SV2B: variants seen among roughly 807,000 people sequenced by gnomAD.
SV2B encodes solute carrier family 22 member B2.
SV2B carries 41 observed loss-of-function variants against 73.9 expected under a neutral mutation model. The ratio of observed to expected loss-of-function variants is 0.56; its 90% CI spans 0.43 to 0.72. SV2B has a LOEUF of 0.72. SV2B is among the 30% of genes least tolerant of loss of function. SV2B has a pLI of 0.00. For synonymous variants in SV2B, 314 were observed against 314.2 expected (o/e 1.00, Z 0.01); for missense variants, 764 against 857.8 (o/e 0.89, Z 1.37).
At chr15:91,246,965 G>T (rs549024148) in intron 2 of SV2B, among the ~76,000 whole-genome samples, 1 of 152,296 alleles carries the variant, frequency 6.6e-6, no homozygotes, top group South Asian at 2.1e-4. Context: ...TTTTCCAAAT[G>T]TATTTTTTAA....
intron 1 of SV2B, among the ~76,000 whole-genome samples, chr15:91,164,761 A>G (rs1158445457): frequency 6.6e-6 from 1 of 152,218 alleles, no homozygotes; most frequent in Non-Finnish European, 1.5e-5. Context: ...TTATATTTCT[A>G]TATAGATGAG....
chr15:91,154,507 A>G (rs932457845), intron 1 of SV2B, among the ~76,000 whole-genome samples: 5 of 152,230 alleles, frequency 3.3e-5, no homozygotes, highest in African/African-American at 1.2e-4. Context: ...GTGTAGCGTC[A>G]GGTATTGATC....
intron 1 of SV2B, among the ~76,000 whole-genome samples, chr15:91,167,738 G>A (rs1763972266): frequency 6.6e-6 from 1 of 152,136 alleles, no homozygotes; most frequent in South Asian, 2.1e-4. Flanking sequence ...GGGTTCTGGG[G>A]ATTAAGAATT....
intron 1 of SV2B, among the ~76,000 whole-genome samples, chr15:91,187,422 C>T (rs1005818057): frequency 1.3e-5 from 2 of 152,202 alleles, no homozygotes; most frequent in African/African-American, 2.4e-5. Context: ...TGCTTACCAG[C>T]ATGTGAAAGT....
chr15:91,132,445 T>C lies in SV2B; in HGVS notation c.-392+32082T>C, dbSNP rs2042683963. Among the ~76,000 whole-genome samples, 1 of 152,248 alleles carries C rather than the reference T, an allele frequency of 6.6e-6. No homozygotes were observed. Among genetic ancestry groups the C allele is most frequent in the African/African-American group, 2.4e-5 (1 of 41,478 alleles). On this transcript the variant is annotated intron_variant, in intron 1 of 12. Coordinates refer to ENST00000394232, the MANE Select transcript of SV2B (RefSeq NM_001323032.3). The surrounding 1 kb of genome is among the most constrained non-coding windows in gnomAD (Gnocchi z 4.6). ...AAGACTTGGCCTGCAATCAGTCTGATTGGTTGTGGACAGCAACCATTCAGA... is the reference window on the plus strand; with the variant it reads ...AAGACTTGGCCTGCAATCAGTCTGACTGGTTGTGGACAGCAACCATTCAGA...
In SV2B at chr15:91,267,504, CAA is replaced by C. The variant is rs766295632; in HGVS notation, c.1120-49_1120-48del. 1 of 1,505,158 alleles carries C rather than the reference CAA, an allele frequency of 6.6e-7. No homozygotes were observed. The highest frequency in any genetic ancestry group is 1.2e-5 in the South Asian group (1 of 86,424). The allele number at this position is 1,505,158 out of a possible 1,614,324, so 93.2% of individuals were successfully genotyped here. On this transcript the variant is annotated intron_variant, in intron 7 of 12. Coordinates refer to ENST00000394232, the MANE Select transcript of SV2B (RefSeq NM_001323032.3). The surrounding 1 kb of genome is among the most constrained non-coding windows in gnomAD (Gnocchi z 4.3). ...AGTAATGAGCTCTTCGTGGGAGAAA[CAA>C]AGTCACACATTGCTTTCTTTAACAA...
At position 91,268,296 on chromosome 15, in the gene SV2B, G is replaced by C; in HGVS notation, c.1209-145G>C. ...TTTCCCCTTGTATTTATTAATATGAGGATTTATATTGTCAGATTTTCTAAT... is the reference window on the plus strand; with the variant it reads ...TTTCCCCTTGTATTTATTAATATGACGATTTATATTGTCAGATTTTCTAAT... On this transcript the variant is annotated intron_variant, in intron 8 of 12. Transcript: ENST00000394232. This position sits in a 1 kb window ranked among gnomAD's most constrained non-coding sequence, Gnocchi z 4.4. 1.2e-6 allele frequency: 1 copy of C among 802,236 alleles called. No homozygotes were observed. Among genetic ancestry groups the C allele is most frequent in the South Asian group, 2.4e-5 (1 of 41,030 alleles). The allele number at this position is 802,236 out of a possible 1,614,324, so 49.7% of individuals were successfully genotyped here.
In SV2B at chr15:91,258,282, C is replaced by A; in HGVS notation, c.785-139C>A. ...TGACTCAGAAGCTTCGGAGGCACAG[C>A]TGAGGAGTCTGCATTTTAACCACCT... On this transcript the variant is annotated intron_variant, in intron 4 of 12. Coordinates refer to ENST00000394232, the MANE Select transcript of SV2B (RefSeq NM_001323032.3). This position sits in a 1 kb window ranked among gnomAD's most constrained non-coding sequence, Gnocchi z 4.7. 1 of 1,192,508 alleles carries A rather than the reference C, an allele frequency of 8.4e-7. No individual in the cohort carries two copies. The highest frequency in any genetic ancestry group is 1.1e-6 in the Non-Finnish European group (1 of 869,622). The allele number at this position is 1,192,508 out of a possible 1,614,324, so 73.9% of individuals were successfully genotyped here.
At chr15:91,235,263 C>G (rs1395506755) in intron 2 of SV2B, among the ~76,000 whole-genome samples, 1 of 152,168 alleles carries the variant, frequency 6.6e-6, no homozygotes, top group African/African-American at 2.4e-5. Flanking sequence ...GCTATAAGCA[C>G]CATTATTTTC....
At chr15:91,271,874 A>G (rs970778632) in intron 9 of SV2B, among the ~76,000 whole-genome samples, 1 of 152,084 alleles carries the variant, frequency 6.6e-6, no homozygotes, top group African/African-American at 2.4e-5. Context: ...TTCTATCCTT[A>G]CCAGTATTCC....
At position 91,300,962 on chromosome 15, in the gene SV2B, G is replaced by A. The variant is rs780451216; in HGVS notation, c.*8410G>A. 2.0e-5 allele frequency: 3 copies of A among 152,266 alleles called. No individual in the cohort carries two copies. Among genetic ancestry groups the A allele is most frequent in the Non-Finnish European group, 4.4e-5 (3 of 68,064 alleles). 9.4% of individuals were successfully genotyped at this position (152,266 alleles called of 1,614,324 possible). A position where few individuals can be genotyped will look rare whatever the true frequency, so the allele number is the denominator to read the frequency against. ...GTTCAAATGTGCTGACATGTAGCCA[G>A]TGGAGGAAGATGTTTCTTTGGAAGC... On this transcript the variant is annotated 3_prime_UTR_variant, in exon 13 of 13. Coordinates refer to ENST00000394232, the MANE Select transcript of SV2B (RefSeq NM_001323032.3).
At chr15:91,183,854 T>A (rs1038654237) in intron 1 of SV2B, among the ~76,000 whole-genome samples, 16 of 152,220 alleles carry the variant, frequency 1.1e-4, no homozygotes, top group African/African-American at 2.9e-4. Flanking sequence ...GGATGGAACA[T>A]AAATTGAATT....
intron 10 of SV2B, among the ~76,000 whole-genome samples, chr15:91,282,134 T>C (rs971493307): frequency 6.6e-6 from 1 of 152,242 alleles, no homozygotes; most frequent in African/African-American, 2.4e-5. Context: ...TCAGTGAGGC[T>C]GATGCTATAC....
At chr15:91,277,003 G>A (rs1471933988) in intron 9 of SV2B, among the ~76,000 whole-genome samples, 1 of 152,028 alleles carries the variant, frequency 6.6e-6, no homozygotes, top group Admixed American at 6.6e-5. Context: ...TGTATTTTTA[G>A]TAGAGACGGG....
intron 4 of SV2B, among the ~76,000 whole-genome samples, chr15:91,254,996 G>A (rs1448317665): frequency 2.0e-5 from 3 of 152,148 alleles, no homozygotes; most frequent in Admixed American, 2.0e-4. Context: ...ATGCAGATCC[G>A]GAAGGGTTTA....
intron 6 of SV2B, among the ~76,000 whole-genome samples, chr15:91,264,384 C>A (rs1453678745): frequency 6.6e-6 from 1 of 152,340 alleles, no homozygotes; most frequent in East Asian, 1.9e-4. Context: ...TGGGTCAGGG[C>A]TTTCCCTAAG....
chr15:91,162,824 G>T lies in SV2B; in HGVS notation c.-392+62461G>T, dbSNP rs144673277. On this transcript the variant is annotated intron_variant, in intron 1 of 12. Transcript: ENST00000394232. ...CTACGGTATATATGCACAATGTGCA[G>T]GTTTGTTACATATGTATACATGTGC... 9.8e-3 allele frequency among the ~76,000 whole-genome samples: 1,489 copies of T among 152,252 alleles called. 28 individuals carry two copies. The highest frequency in any genetic ancestry group is 0.035 in the African/African-American group (1,433 of 41,528).
intron 1 of SV2B, among the ~76,000 whole-genome samples, chr15:91,188,600 C>T (rs1245249419): frequency 6.6e-6 from 1 of 152,114 alleles, no homozygotes; most frequent in African/African-American, 2.4e-5. Flanking sequence ...CAGGCGTGAG[C>T]CACCACTCCC....
intron 1 of SV2B, among the ~76,000 whole-genome samples, chr15:91,206,240 T>C (rs2045636845): frequency 2.0e-5 from 3 of 150,232 alleles, no homozygotes; most frequent in African/African-American, 7.4e-5. Context: ...CAGGTTCTCT[T>C]TGTGTAGCCC....
Sources: allele counts gnomAD v4.1 joint callset (sites outside exome capture counted in the v4.1 genomes callset), GRCh38; gene constraint gnomAD v4.1.1; non-coding constraint Gnocchi (gnomAD v3.1); transcripts MANE v1.5; gene names NCBI Gene and HGNC (gene_info 2026-07-23, HGNC 2026-07-21).